Variants in MICU2 observed in about 807,000 individuals in gnomAD.
The protein encoded by MICU2 is mitochondrial calcium uptake 2, also known as calcium uptake protein 2, mitochondrial.
A neutral mutation model predicts 60.4 loss-of-function variants in MICU2; 64 were observed. The ratio of observed to expected loss-of-function variants is 1.06; its 90% CI spans 0.87 to 1.31. MICU2 has a LOEUF of 1.31. Ranked by LOEUF, MICU2 falls within the 50% of genes most tolerant of loss-of-function variation. The pLI is 0.00. For synonymous variants in MICU2, 201 were observed against 175.0 expected (o/e 1.15, Z -1.17); for missense variants, 569 against 531.0 (o/e 1.07, Z -0.70).
At chr13:21,603,361 AT>A (rs1326821323) in intron 1 of MICU2, among the ~76,000 whole-genome samples, 3 of 152,252 alleles carry the variant, frequency 2.0e-5, no homozygotes. Flanking sequence ...TAATCATGCA[AT>A]AATGTTCCTT....
intron 2 of MICU2, among the ~76,000 whole-genome samples, chr13:21,561,687 TTTC>T (rs1426760370): frequency 1.1e-5 from 1 of 87,870 alleles, no homozygotes; most frequent in Middle Eastern, 5.2e-3. Flanking sequence ...TTAAAGTGGG[TTTC>T]TTTTTTTTTT....
intron 1 of MICU2, among the ~76,000 whole-genome samples, chr13:21,576,406 T>C (rs1345324205): frequency 2.0e-5 from 3 of 152,072 alleles, no homozygotes; most frequent in Non-Finnish European, 4.4e-5. Context: ...TAAGTGGTGC[T>C]ATTGGGGGGC....
chr13:21,586,835 CAAG>C (rs1420505368), intron 1 of MICU2, among the ~76,000 whole-genome samples: 2 of 152,154 alleles, frequency 1.3e-5, no homozygotes, highest in African/African-American at 4.8e-5. Context: ...TTTCTAGTAT[CAAG>C]GTCAGCATAA....
Position 21,603,984 on chromosome 13 carries a change from G to A in MICU2, c.165C>T (p.Arg55=), listed in dbSNP as rs1888894805. 4 of 1,611,976 alleles carry A rather than the reference G, an allele frequency of 2.5e-6. No homozygotes were observed. Among genetic ancestry groups the A allele is most frequent in the African/African-American group, 2.7e-5 (2 of 74,810 alleles). The part of the protein sequence containing the change: ...AGAGAAWHHS[R]VSVAARDGSF... ...TGCCATCCCGCGCCGCAACACTGACGCGGCTGTGGTGCCAGGCCGCTCCTG... is the reference window on the plus strand; with the variant it reads ...TGCCATCCCGCGCCGCAACACTGACACGGCTGTGGTGCCAGGCCGCTCCTG... Residue 55 remains arginine, a synonymous_variant, in exon 1 of 12, where the codon CGC becomes CGT. Transcript: ENST00000382374.
intron 5 of MICU2, among the ~76,000 whole-genome samples, chr13:21,521,926 C>A (rs1886727605): frequency 6.6e-6 from 1 of 151,298 alleles, no homozygotes; most frequent in Non-Finnish European, 1.5e-5. Context: ...TACAGGTGTG[C>A]ACCACCACAC....
At chr13:21,594,191 A>G (rs1888644709) in intron 1 of MICU2, among the ~76,000 whole-genome samples, 1 of 152,204 alleles carries the variant, frequency 6.6e-6, no homozygotes, top group South Asian at 2.1e-4. Context: ...ATAAGAAAAA[A>G]AGAAACAACC....
intron 1 of MICU2, among the ~76,000 whole-genome samples, chr13:21,591,117 G>T (rs113012052): frequency 6.6e-6 from 1 of 151,826 alleles, no homozygotes; most frequent in Admixed American, 6.6e-5. Context: ...AAGACTCATC[G>T]GTGTGTTGTA....
chr13:21,492,821 C>G lies in MICU2; in HGVS notation c.*428G>C, dbSNP rs1885891562. The G allele has an allele frequency of 6.5e-6, 1 of 153,274 alleles. No homozygotes were observed. Among genetic ancestry groups the G allele is most frequent in the African/African-American group, 2.4e-5 (1 of 41,446 alleles). The allele number at this position is 153,274 out of a possible 1,614,324, so 9.5% of individuals were successfully genotyped here. A position where few individuals can be genotyped will look rare whatever the true frequency, so the allele number is the denominator to read the frequency against. ...CAATAAATTTATGAGATATAAGGTA[C>G]AGATGAGAAAAATCTGAAATAAGTT... On this transcript the variant is annotated 3_prime_UTR_variant, in exon 12 of 12. Transcript: ENST00000382374.
chr13:21,560,764 T>C (rs1369986370), intron 2 of MICU2, among the ~76,000 whole-genome samples: 1 of 152,166 alleles, frequency 6.6e-6, no homozygotes, highest in Non-Finnish European at 1.5e-5. Context: ...CTTGTAGAAA[T>C]GTCTAGGTAG....
chr13:21,580,191 T>A (rs186229207), intron 1 of MICU2, among the ~76,000 whole-genome samples: 5 of 152,186 alleles, frequency 3.3e-5, no homozygotes, highest in Non-Finnish European at 2.9e-5. Context: ...CAGTGAATCA[T>A]ATACTAAGTA....
intron 6 of MICU2, among the ~76,000 whole-genome samples, chr13:21,515,178 T>C (rs996633628): frequency 4.7e-5 from 7 of 150,518 alleles, no homozygotes; most frequent in Non-Finnish European, 7.4e-5. Flanking sequence ...GCCTCCCGGG[T>C]TCACGCCATT....
chr13:21,521,058 T>C (rs1473120879), intron 6 of MICU2, among the ~76,000 whole-genome samples, 187 bp downstream of exon 6: 1 of 152,198 alleles, frequency 6.6e-6, no homozygotes, highest in Non-Finnish European at 1.5e-5. Flanking sequence ...AATCTTATGC[T>C]CTGTTCACTT....
chr13:21,589,111 C>T (rs1888518296), intron 1 of MICU2, among the ~76,000 whole-genome samples: 1 of 152,162 alleles, frequency 6.6e-6, no homozygotes, highest in Non-Finnish European at 1.5e-5. Context: ...CAATGTTGCA[C>T]CTTCATCCTA....
intron 1 of MICU2, among the ~76,000 whole-genome samples, chr13:21,580,369 T>C (rs748039227): frequency 3.3e-5 from 5 of 152,194 alleles, no homozygotes; most frequent in African/African-American, 9.6e-5. Context: ...ATACATACTT[T>C]TAAGGGTAGG....
intron 4 of MICU2, 54 bp from the exon 5 acceptor site, chr13:21,522,704 T>C (rs1200028): frequency 1 from 1,320,551 of 1,326,492 alleles, 657,502 homozygotes; most frequent in East Asian, 1. Context: ...TTAGAATATA[T>C]AGAGACATTA....
In MICU2 at chr13:21,505,526, T is replaced by TG. The variant is rs559683205; in HGVS notation, c.762-2430_762-2429insC. On this transcript the variant is annotated intron_variant, in intron 8 of 11. Coordinates refer to ENST00000382374, the MANE Select transcript of MICU2 (RefSeq NM_152726.3). The stretch of plus-strand genomic sequence containing the variant: ...CAGAATTAAATTACACTGTGGTTTT[T>TG]ACTTAAACGGTTAAGTGATATTTCA... 1.2e-4 allele frequency among the ~76,000 whole-genome samples: 18 copies of TG among 152,338 alleles called. No homozygotes were observed. The East Asian group carries it at 1.5e-3, about 13-fold the overall frequency.
chr13:21,544,809 G>C (rs1189512855), intron 2 of MICU2, among the ~76,000 whole-genome samples: 3 of 152,038 alleles, frequency 2.0e-5, no homozygotes, highest in African/African-American at 7.2e-5. Context: ...GCACCACCAG[G>C]CCTGGCTAAT....
chr13:21,539,885 C>T (rs1017523033), intron 2 of MICU2, among the ~76,000 whole-genome samples, 197 bp from the exon 3 acceptor site: 1 of 152,174 alleles, frequency 6.6e-6, no homozygotes, highest in Non-Finnish European at 1.5e-5. Flanking sequence ...AAAGACACTA[C>T]AGTTTTTCAC....
chr13:21,511,393 A>G (rs1170738380), intron 7 of MICU2, among the ~76,000 whole-genome samples: 1 of 152,192 alleles, frequency 6.6e-6, no homozygotes, highest in African/African-American at 2.4e-5. Flanking sequence ...AAAAAGAACA[A>G]ATCAGGTAAA....
Sources: gnomAD v4.1 joint callset for allele counts (sites outside exome capture counted in the v4.1 genomes callset) on GRCh38, gnomAD v4.1.1 for gene constraint, MANE v1.5 for transcripts, NCBI Gene and HGNC (gene_info 2026-07-23, HGNC 2026-07-21) for gene names.